The following FOCAD variants were observed in gnomAD, a reference collection of about 807,000 sequenced individuals.
FOCAD encodes KIAA1797.
Under a neutral mutation model 225.6 loss-of-function variants are expected in FOCAD, and 198 were observed. The observed-to-expected ratio is 0.88, with a 90% CI of 0.78 to 0.99. The LOEUF is 0.99. FOCAD is among the 50% of genes least tolerant of loss of function. The pLI is 0.00. For missense variants in FOCAD, 2,713 were observed against 2,123.6 expected, an observed-to-expected ratio of 1.28 and a Z score of -5.46; for synonymous variants, 897 against 755.0, an observed-to-expected ratio of 1.19 and a Z score of -3.08.
intron 16 of FOCAD, among the ~76,000 whole-genome samples, chr9:20,863,875 T>G (rs1425147705): frequency 2.8e-4 from 43 of 152,166 alleles, no homozygotes; most frequent in Non-Finnish European, 5.9e-5. Flanking sequence ...ACAGGTTAAT[T>G]TATGAATTGG....
At chr9:20,664,843 T>C (rs1311665372) in intron 2 of FOCAD, among the ~76,000 whole-genome samples, 2 of 152,106 alleles carry the variant, frequency 1.3e-5, no homozygotes, top group Admixed American at 6.5e-5. Flanking sequence ...GCTTATTAAA[T>C]TGTATACTTT....
At chr9:20,868,993 A>G (rs1025374802) in intron 18 of FOCAD, among the ~76,000 whole-genome samples, 2 of 152,194 alleles carry the variant, frequency 1.3e-5, no homozygotes, top group East Asian at 1.9e-4. Context: ...AAAGTGTTCA[A>G]TGTGTTCATA....
intron 15 of FOCAD, among the ~76,000 whole-genome samples, chr9:20,836,749 A>G (rs552275137): frequency 1.3e-4 from 20 of 152,200 alleles, no homozygotes; most frequent in African/African-American, 4.8e-4. Flanking sequence ...TCAAAATGAA[A>G]TTTTAACTGA....
chr9:20,738,422 G>A (rs542071176), intron 4 of FOCAD, among the ~76,000 whole-genome samples: 13 of 152,300 alleles, frequency 8.5e-5, no homozygotes, highest in African/African-American at 2.6e-4. Flanking sequence ...TGTGTAGCAT[G>A]TGAGCAAGCC....
At chr9:20,844,692 T>C (rs116986541) in intron 15 of FOCAD, among the ~76,000 whole-genome samples, 3,692 of 152,150 alleles carry the variant, frequency 0.024, 70 homozygotes, top group Non-Finnish European at 0.038. Context: ...ACTTACCTAT[T>C]TGCAGTTGTG....
intron 2 of FOCAD, among the ~76,000 whole-genome samples, chr9:20,665,676 T>C (rs1221177518): frequency 3.3e-5 from 5 of 152,222 alleles, no homozygotes; most frequent in East Asian, 3.9e-4. Flanking sequence ...GAATAAAAGT[T>C]CTTTGGATGT....
intron 3 of FOCAD, among the ~76,000 whole-genome samples, chr9:20,720,163 A>G (rs1825660867): frequency 6.6e-6 from 1 of 152,166 alleles, no homozygotes; most frequent in Admixed American, 6.5e-5. Flanking sequence ...TAGCCATGAT[A>G]CCAGGTGAGA....
At chr9:20,931,902 CAAAAA>C (rs11343467) in intron 27 of FOCAD, among the ~76,000 whole-genome samples, 3 of 120,610 alleles carry the variant, frequency 2.5e-5, no homozygotes, top group Non-Finnish European at 1.8e-5. Flanking sequence ...GACTCTATCT[CAAAAA>C]AAAAAAAAAA....
At chr9:20,907,080 G>T in intron 21 of FOCAD, 70 bp from the exon 22 acceptor site, 1 of 1,235,586 alleles carries the variant, frequency 8.1e-7, no homozygotes. Flanking sequence ...AAGAACTGAT[G>T]AAACAGTTTT....
chr9:20,777,868 C>T (rs1818924243), intron 8 of FOCAD, among the ~76,000 whole-genome samples: 3 of 151,632 alleles, frequency 2.0e-5, no homozygotes, highest in African/African-American at 2.4e-5. Flanking sequence ...TTTGGGAGGC[C>T]GAGGCGGGCG....
chr9:20,669,928 A>G (rs1822009524), intron 2 of FOCAD, among the ~76,000 whole-genome samples: 1 of 152,238 alleles, frequency 6.6e-6, no homozygotes, highest in Non-Finnish European at 1.5e-5. Flanking sequence ...CATGAAGCCC[A>G]GATTCTGAGA....
intron 2 of FOCAD, among the ~76,000 whole-genome samples, chr9:20,672,552 G>T (rs1178488220): frequency 6.6e-6 from 1 of 152,160 alleles, no homozygotes; most frequent in East Asian, 1.9e-4. Context: ...CCGGGCTCAC[G>T]CCATTCTCCT....
chr9:20,778,453 C>G (rs1438053605), intron 8 of FOCAD, among the ~76,000 whole-genome samples: 1 of 152,146 alleles, frequency 6.6e-6, no homozygotes, highest in African/African-American at 2.4e-5. Flanking sequence ...AACTTCTGAC[C>G]TCGTGATCCA....
At chr9:20,679,570 T>C (rs1282346212), upstream of FOCAD, among the ~76,000 whole-genome samples, 1 of 152,172 alleles carries the variant, frequency 6.6e-6, no homozygotes, top group African/African-American at 2.4e-5. Flanking sequence ...ACATTTTTCT[T>C]ACTCTCTTTT....
Position 20,929,533 on chromosome 9 carries a change from T to C in FOCAD, c.3254T>C (p.Val1085Ala). The C allele has an allele frequency of 2.5e-6, 4 of 1,614,180 alleles. No individual in the cohort carries two copies. The South Asian group carries it at 3.3e-5, about 13-fold the overall frequency. ...CCAAGTGCTGATGAGTCTCAAGCCGTGCAAATCCACATGGGCCTTGCTTTA... is the reference window on the plus strand; with the variant it reads ...CCAAGTGCTGATGAGTCTCAAGCCGCGCAAATCCACATGGGCCTTGCTTTA... ...GKPSADESQAVQIHMGLALGM... is the reference protein window; with the variant it reads ...GKPSADESQAAQIHMGLALGM... The change falls in exon 27 of 44, where the codon GTG becomes GCG. Residue 1085 changes from valine (V) to alanine (A), a missense_variant. Coordinates refer to ENST00000338382, the MANE Select transcript of FOCAD (RefSeq NM_001375567.1).
At chr9:20,748,143 A>G (rs1185639187) in intron 5 of FOCAD, among the ~76,000 whole-genome samples, 1 of 152,106 alleles carries the variant, frequency 6.6e-6, no homozygotes, top group East Asian at 1.9e-4. Flanking sequence ...TAATGTAAGT[A>G]TGACACCTAT....
intron 22 of FOCAD, among the ~76,000 whole-genome samples, chr9:20,908,447 A>G (rs1833165029): frequency 6.6e-6 from 1 of 152,130 alleles, no homozygotes; most frequent in African/African-American, 2.4e-5. Flanking sequence ...AGATTCTGAT[A>G]TATTAGAAGT....
intron 6 of FOCAD, among the ~76,000 whole-genome samples, chr9:20,763,791 G>C (rs1219148813): frequency 2.0e-5 from 3 of 152,130 alleles, no homozygotes; most frequent in African/African-American, 7.2e-5. Context: ...TGTGTGAATT[G>C]GGCTAGATAC....
rs922690323 is a variant in FOCAD at position 20,923,883 on chromosome 9, A to G, written c.2961+115A>G. 13 of 744,082 alleles carry G rather than the reference A, an allele frequency of 1.7e-5. No homozygotes were observed. The African/African-American group carries it at 2.3e-4, about 13-fold the overall frequency. 46.1% of individuals were successfully genotyped at this position (744,082 alleles called of 1,614,324 possible). A position where few individuals can be genotyped will look rare whatever the true frequency, so the allele number is the denominator to read the frequency against. On this transcript the variant is annotated intron_variant, in intron 25 of 43. Coordinates refer to ENST00000338382, the MANE Select transcript of FOCAD (RefSeq NM_001375567.1). ...TTCTGTGATTATGGCACCAAGTTATAGTACTTGATGGGCCTTTATACTGTG... is the reference window on the plus strand; with the variant it reads ...TTCTGTGATTATGGCACCAAGTTATGGTACTTGATGGGCCTTTATACTGTG...
Sources: gnomAD v4.1 joint callset for allele counts (sites outside exome capture counted in the v4.1 genomes callset) on GRCh38, gnomAD v4.1.1 for gene constraint, MANE v1.5 for transcripts, NCBI Gene and HGNC (gene_info 2026-07-23, HGNC 2026-07-21) for gene names.